The following HSD17B12 variants were observed in gnomAD, a reference collection of about 807,000 sequenced individuals.
The protein encoded by HSD17B12 is very-long-chain 3-oxoacyl-CoA reductase.
In HSD17B12, 32 loss-of-function variants were observed where a neutral mutation model predicts 39.3. That is an observed-to-expected ratio of 0.81 (90% confidence interval 0.61 to 1.09). HSD17B12 has a LOEUF of 1.09. HSD17B12 is among the 50% of genes least tolerant of loss of function. HSD17B12 has a pLI of 0.00. For missense variants in HSD17B12, 342 were observed against 382.9 expected (o/e 0.89, Z 0.89); for synonymous variants, 150 against 146.7 (o/e 1.02, Z -0.16).
the HSD17B12 span, among the ~76,000 whole-genome samples, chr11:43,627,504 T>G: frequency 6.6e-6 from 1 of 151,976 alleles, no homozygotes; most frequent in East Asian, 1.9e-4. Flanking sequence ...AACTTCATAG[T>G]ATTAAAAAAT....
chr11:43,797,652 G>A (rs1950927175), intron 3 of HSD17B12, among the ~76,000 whole-genome samples: 1 of 152,166 alleles, frequency 6.6e-6, no homozygotes, highest in African/African-American at 2.4e-5. Flanking sequence ...GATGAGTTTT[G>A]TTCCTCCAGG....
chr11:43,667,333 G>A, the HSD17B12 span, among the ~76,000 whole-genome samples: 1 of 152,014 alleles, frequency 6.6e-6, no homozygotes, highest in African/African-American at 2.4e-5. Flanking sequence ...TGTATTTTTA[G>A]TAGAGACAGG....
chr11:43,739,008 T>C (rs183829718), intron 1 of HSD17B12, among the ~76,000 whole-genome samples: 2 of 152,332 alleles, frequency 1.3e-5, no homozygotes, highest in African/African-American at 2.4e-5. Context: ...CAAGTCCTGA[T>C]TGGTGAGCAA....
At chr11:43,607,257 T>C in the HSD17B12 span, among the ~76,000 whole-genome samples, 1 of 149,804 alleles carries the variant, frequency 6.7e-6, no homozygotes, top group Non-Finnish European at 1.5e-5. Context: ...AGATGGTGGA[T>C]GTGCTGGCAC....
At chr11:43,683,110 T>TG (rs1949766937) in intron 1 of HSD17B12, among the ~76,000 whole-genome samples, 2 of 151,802 alleles carry the variant, frequency 1.3e-5, no homozygotes, top group South Asian at 4.2e-4. Flanking sequence ...TTTTGTTTTT[T>TG]TTTTTTTTTC....
the HSD17B12 span, among the ~76,000 whole-genome samples, chr11:43,561,819 T>C: frequency 6.6e-6 from 1 of 152,178 alleles, no homozygotes; most frequent in East Asian, 1.9e-4. Context: ...GACAGTCCAG[T>C]TAGTGGACTG....
chr11:43,801,261 G>A (rs748694280), intron 4 of HSD17B12, among the ~76,000 whole-genome samples: 6 of 152,134 alleles, frequency 3.9e-5, no homozygotes, highest in African/African-American at 7.2e-5. Context: ...AGGACAGGGT[G>A]TAATATGAGT....
intron 6 of HSD17B12, among the ~76,000 whole-genome samples, chr11:43,824,888 C>T (rs1476781134): frequency 1.3e-5 from 2 of 152,076 alleles, no homozygotes; most frequent in Non-Finnish European, 2.9e-5. Flanking sequence ...CCCAGCTACT[C>T]AGGAGGCTGA....
the HSD17B12 span, among the ~76,000 whole-genome samples, chr11:43,580,069 G>GA: frequency 0.018 from 2,778 of 151,150 alleles, 40 homozygotes; most frequent in Admixed American, 0.031. Flanking sequence ...GTACTAATGG[G>GA]GGGGGGGAGG....
At chr11:43,770,544 A>G (rs548614912) in intron 3 of HSD17B12, among the ~76,000 whole-genome samples, 2 of 152,342 alleles carry the variant, frequency 1.3e-5, no homozygotes, top group East Asian at 3.9e-4. Context: ...AACCTGGGCA[A>G]CATAGGGAGA....
At chr11:43,778,044 G>T (rs1158586381) in intron 3 of HSD17B12, among the ~76,000 whole-genome samples, 1 of 152,052 alleles carries the variant, frequency 6.6e-6, no homozygotes, top group Non-Finnish European at 1.5e-5. Flanking sequence ...ATGAATCCAG[G>T]AGCTGGTTTT....
the HSD17B12 span, among the ~76,000 whole-genome samples, chr11:43,656,093 C>T: frequency 1.3e-5 from 2 of 151,988 alleles, no homozygotes; most frequent in African/African-American, 2.4e-5. Flanking sequence ...GCCTGTTATT[C>T]GTCTATTCAG....
intron 3 of HSD17B12, chr11:43,755,676 A>T (rs1950502242): frequency 6.6e-6 from 1 of 152,122 alleles, no homozygotes; most frequent in Non-Finnish European, 1.5e-5. Flanking sequence ...ATAGTGCCTT[A>T]TTATTTATTC....
intron 1 of HSD17B12, among the ~76,000 whole-genome samples, chr11:43,739,993 G>A (rs1269994741): frequency 6.6e-6 from 1 of 152,126 alleles, no homozygotes; most frequent in Non-Finnish European, 1.5e-5. Context: ...AGATTGAATT[G>A]GAGAGGAGTA....
At chr11:43,615,701 C>T in the HSD17B12 span, among the ~76,000 whole-genome samples, 1 of 152,160 alleles carries the variant, frequency 6.6e-6, no homozygotes, top group South Asian at 2.1e-4. Context: ...AAAGCTTTTA[C>T]TTCAGTTTTA....
At chr11:43,804,929 T>C (rs1162156170) in intron 4 of HSD17B12, among the ~76,000 whole-genome samples, 2 of 152,150 alleles carry the variant, frequency 1.3e-5, no homozygotes, top group African/African-American at 4.8e-5. Flanking sequence ...AACTCCTAGT[T>C]AATTGGTTTG....
chr11:43,732,822 A>G (rs10768975), intron 1 of HSD17B12, among the ~76,000 whole-genome samples: 99,674 of 151,966 alleles, frequency 0.66, 33,028 homozygotes, highest in East Asian at 0.75. Flanking sequence ...GCCCAGGCTG[A>G]AGTGCAATGA....
intron 7 of HSD17B12, chr11:43,833,082 G>T (rs957523396): frequency 2.0e-5 from 3 of 151,922 alleles, no homozygotes; most frequent in Non-Finnish European, 4.4e-5. Context: ...TTTAAACTGA[G>T]GTTGAGAAAT....
chr11:43,741,455 T>TA lies in HSD17B12; in HGVS notation c.161-9447dup, dbSNP rs140419954. Among the ~76,000 whole-genome samples, 605 of 151,176 alleles carry TA rather than the reference T, an allele frequency of 4.0e-3. 6 individuals carry two copies. The East Asian group carries it at 0.044, about 11-fold the overall frequency. On this transcript the variant is annotated intron_variant, in intron 1 of 10. Coordinates refer to ENST00000278353, the MANE Select transcript of HSD17B12 (RefSeq NM_016142.3). ...TTCTATTCATAGTAGCAAAGGACTTTAAAAAAAAATGCAGTACATGCACAT... is the reference window on the plus strand; with the variant it reads ...TTCTATTCATAGTAGCAAAGGACTTTAAAAAAAAAATGCAGTACATGCACAT...
Sources: allele counts gnomAD v4.1 joint callset (sites outside exome capture counted in the v4.1 genomes callset), GRCh38; gene constraint gnomAD v4.1.1; transcripts MANE v1.5; gene names NCBI Gene and HGNC (gene_info 2026-07-23, HGNC 2026-07-21).